Variants in FIBCD1 observed in about 807,000 individuals in gnomAD.
FIBCD1 encodes fibrinogen C domain containing 1, also known as fibrinogen C domain-containing protein 1.
FIBCD1 carries 47 observed loss-of-function variants against 45.1 expected under a neutral mutation model. The ratio of observed to expected loss-of-function variants is 1.04; its 90% CI spans 0.82 to 1.33. The LOEUF is 1.33. FIBCD1 is among the 40% of genes most tolerant of loss of function. The pLI is 0.00. For synonymous variants in FIBCD1, 313 were observed against 308.1 expected (o/e 1.02, Z -0.17); for missense variants, 653 against 682.2 (o/e 0.96, Z 0.48).
At chr9:130,921,593 A>G (rs758252018) in intron 4 of FIBCD1, among the ~76,000 whole-genome samples, 5 of 152,192 alleles carry the variant, frequency 3.3e-5, no homozygotes, top group Non-Finnish European at 7.4e-5. Flanking sequence ...CCGGCCTCCC[A>G]GCCCAAATCC....
rs1440741790 is a variant in FIBCD1, at chr9:130,922,838, G to A, written c.849+906C>T. On this transcript the variant is annotated intron_variant, in intron 4 of 6. Coordinates refer to ENST00000372338, the MANE Select transcript of FIBCD1 (RefSeq NM_032843.5). The surrounding 1 kb of genome is among the most constrained non-coding windows in gnomAD (Gnocchi z 4.5). ...GCTCCTCAGATGTTCCCTGGTAGCC[G>A]CGTTAGGTTGCCCCCTCCTCCTGGA... Among the ~76,000 whole-genome samples the A allele has an allele frequency of 6.6e-6, 1 of 152,042 alleles. No homozygotes were observed. The highest frequency in any genetic ancestry group is 1.5e-5 in the Non-Finnish European group (1 of 68,008).
Position 130,929,791 on chromosome 9 carries a change from T to C in FIBCD1, c.328A>G (p.Ser110Gly). ...DLTDSFARLE[S>G]AQASVLQALT... ...GCCTGCAGCACCGAGGCCTGGGCGC[T>C]CTCCAGGCGTGCGAAGCTGTCGGTG... is the stretch of plus-strand genomic sequence containing the variant. Residue 110 changes from serine to glycine, a missense_variant, in exon 2 of 7, where the codon AGC becomes GGC. Ser to Gly is a moderately conservative substitution (Grantham distance 56, BLOSUM62 0). Coordinates refer to ENST00000372338, the MANE Select transcript of FIBCD1 (RefSeq NM_032843.5). The C allele has an allele frequency of 1.3e-6, 2 of 1,553,190 alleles. No homozygotes were observed. The highest frequency in any genetic ancestry group is 2.4e-5 in the South Asian group (2 of 84,564).
At position 130,929,851 on chromosome 9, in the gene FIBCD1, G is replaced by A; in HGVS notation, c.268C>T (p.Leu90Phe). Reference protein sequence around the residue: ...VTVERADSSHLSILIDPRCPD... With the variant: ...VTVERADSSHFSILIDPRCPD... ...CAGCGCGGGTCAATGAGGATGCTGA[G>A]GTGCGAGCTGTCCGCCCTTTCCACA... Residue 90 changes from leucine to phenylalanine, a missense_variant, in exon 2 of 7, where the codon CTC (leucine) becomes TTC (phenylalanine). Physicochemically the swap from Leu to Phe is conservative, Grantham distance 22 (BLOSUM62 0). Coordinates refer to ENST00000372338, the MANE Select transcript of FIBCD1 (RefSeq NM_032843.5). 7.7e-6 allele frequency: 12 copies of A among 1,549,778 alleles called. No homozygotes were observed. Among genetic ancestry groups the A allele is most frequent in the Non-Finnish European group, 1.0e-5 (12 of 1,146,686 alleles).
rs1017855522 is a variant in FIBCD1 at position 130,911,823 on chromosome 9, G to A, written c.915C>T (p.Gly305=). Residue 305 remains glycine, a synonymous_variant, in exon 5 of 7, where the codon GGC becomes GGT. Coordinates refer to ENST00000372338, the MANE Select transcript of FIBCD1 (RefSeq NM_032843.5). ...FFRGWDAYRD[G]FGRLTGEHWL... Reference sequence around the variant, plus strand: ...AGTGCTCCCCGGTGAGCCTGCCAAAGCCGTCTCGGTACGCATCCCAGCCCC... The same window carrying A: ...AGTGCTCCCCGGTGAGCCTGCCAAAACCGTCTCGGTACGCATCCCAGCCCC... 1.9e-6 allele frequency: 3 copies of A among 1,604,632 alleles called. No homozygotes were observed. Among genetic ancestry groups the A allele is most frequent in the East Asian group, 2.3e-5 (1 of 44,128 alleles).
At chr9:130,927,283 G>A (rs913115750) in intron 2 of FIBCD1, among the ~76,000 whole-genome samples, 4 of 151,990 alleles carry the variant, frequency 2.6e-5, no homozygotes, top group African/African-American at 9.7e-5. Context: ...TTCAATAGTG[G>A]CATGGTGGCT....
intron 2 of FIBCD1, 55 bp from the exon 3 acceptor site, chr9:130,924,451 G>GGCGCA (rs1832325313): frequency 3.3e-6 from 5 of 1,508,790 alleles, no homozygotes; most frequent in Admixed American, 2.0e-5. Flanking sequence ...GGGGTGGGGT[G>GGCGCA]GCGCACATAG....
At chr9:130,933,678 C>T (rs887268039) in intron 1 of FIBCD1, among the ~76,000 whole-genome samples, 1 of 141,460 alleles carries the variant, frequency 7.1e-6, no homozygotes, top group Non-Finnish European at 1.5e-5. Context: ...GTCCAGGCTA[C>T]CTTCTCTGAG....
intron 4 of FIBCD1, among the ~76,000 whole-genome samples, chr9:130,916,773 A>C (rs557378797): frequency 8.1e-4 from 124 of 152,248 alleles, no homozygotes; most frequent in African/African-American, 2.9e-3. Flanking sequence ...TTTCTGCCCC[A>C]CCCACCGAAC....
chr9:130,914,581 CA>C (rs1252289007), intron 4 of FIBCD1, among the ~76,000 whole-genome samples: 1 of 152,238 alleles, frequency 6.6e-6, no homozygotes, highest in African/African-American at 2.4e-5. Flanking sequence ...CGTGCCCAAC[CA>C]GGGGCAGGTG....
chr9:130,932,669 G>T (rs1360719021), intron 1 of FIBCD1, among the ~76,000 whole-genome samples: 2 of 152,146 alleles, frequency 1.3e-5, no homozygotes, highest in Admixed American at 1.3e-4. Flanking sequence ...CAGCTTGGAG[G>T]GGCTCCTCCT....
At chr9:130,914,521 G>C (rs1832121845) in intron 4 of FIBCD1, among the ~76,000 whole-genome samples, 1 of 152,220 alleles carries the variant, frequency 6.6e-6, no homozygotes, top group African/African-American at 2.4e-5. Flanking sequence ...AGAAAATGCA[G>C]GGAAGTAGGC....
intron 4 of FIBCD1, among the ~76,000 whole-genome samples, chr9:130,913,737 C>A (rs1588106285): frequency 6.6e-6 from 1 of 152,280 alleles, no homozygotes; most frequent in Non-Finnish European, 1.5e-5. Flanking sequence ...AGGCCTAATC[C>A]TAGCAGAAGC....
chr9:130,931,508 A>AAAAAAAC (rs369896228), intron 1 of FIBCD1, among the ~76,000 whole-genome samples: 91 of 152,204 alleles, frequency 6.0e-4, no homozygotes, highest in Middle Eastern at 3.4e-3. Flanking sequence ...ACTCCGTCTC[A>AAAAAAAC]AAAAAACAAA....
At chr9:130,939,746 A>G (rs910209278), upstream of FIBCD1, among the ~76,000 whole-genome samples, 2 of 151,778 alleles carry the variant, frequency 1.3e-5, no homozygotes, top group Non-Finnish European at 2.9e-5. Flanking sequence ...TTGTGCCAGG[A>G]GGGGGCTTCT....
intron 4 of FIBCD1, 60 bp downstream of exon 4, chr9:130,923,684 G>A (rs571721599): frequency 1.3e-6 from 2 of 1,588,784 alleles, no homozygotes; most frequent in South Asian, 2.2e-5. Context: ...CCGGGTTCAG[G>A]TACACAGCCT....
At chr9:130,914,937 C>T (rs989996706) in intron 4 of FIBCD1, among the ~76,000 whole-genome samples, 5 of 152,250 alleles carry the variant, frequency 3.3e-5, no homozygotes, top group African/African-American at 1.2e-4. Flanking sequence ...CGAGCCCAGG[C>T]ACCCCACCCT....
rs1468758265 is a variant in FIBCD1, at chr9:130,929,942, C to A, written c.177G>T (p.Ala59=). ...CGACAGGTGGGGGCGCCGTGCCCGG[C>A]GCGTGGGCGTGGTTCAGGAAGAGCA... The part of the protein sequence containing the change: ...GAVLFLNHAH[A]PGTAPPPVVS... Residue 59 remains alanine, a synonymous_variant, in exon 2 of 7, where the codon GCG becomes GCT. Transcript: ENST00000372338. 6.5e-7 allele frequency: 1 copy of A among 1,548,892 alleles called. No individual in the cohort carries two copies. Among genetic ancestry groups the A allele is most frequent in the East Asian group, 2.4e-5 (1 of 40,976 alleles).
At chr9:130,930,339 G>C (rs980164292) in intron 1 of FIBCD1, among the ~76,000 whole-genome samples, 1 of 151,974 alleles carries the variant, frequency 6.6e-6, no homozygotes, top group Non-Finnish European at 1.5e-5. Flanking sequence ...GAGACGCGGG[G>C]AGACGCAGGG....
At chr9:130,909,760 T>TAAAAAAA (rs34679672) in intron 5 of FIBCD1, among the ~76,000 whole-genome samples, 1 of 147,168 alleles carries the variant, frequency 6.8e-6, no homozygotes, top group Non-Finnish European at 1.5e-5. Context: ...AGTGAAATGT[T>TAAAAAAA]AAAAAAAAAA....
Sources: gnomAD v4.1 joint callset for allele counts (sites outside exome capture counted in the v4.1 genomes callset) on GRCh38, gnomAD v4.1.1 for gene constraint, Gnocchi (gnomAD v3.1) non-coding constraint, MANE v1.5 for transcripts, NCBI Gene and HGNC (gene_info 2026-07-23, HGNC 2026-07-21) for gene names.